Variants in WRN observed in about 807,000 individuals in gnomAD.
The protein encoded by WRN is bifunctional 3'-5' exonuclease/ATP-dependent helicase WRN.
A neutral mutation model predicts 180.7 loss-of-function variants in WRN; 149 were observed. The observed-to-expected ratio is 0.82, with a 90% CI of 0.72 to 0.94. The LOEUF (loss-of-function observed/expected upper bound fraction) is 0.94. WRN is among the 40% of genes least tolerant of loss of function. The pLI, the probability that WRN is intolerant of heterozygous loss-of-function variation, is 0.00. For missense variants in WRN, 1,661 were observed against 1,700.1 expected (o/e 0.98, Z 0.40); for synonymous variants, 548 against 568.9 (o/e 0.96, Z 0.52).
At chr8:31,139,322 G>A (rs1467919935) in intron 24 of WRN, among the ~76,000 whole-genome samples, 2 of 152,080 alleles carry the variant, frequency 1.3e-5, no homozygotes, top group Non-Finnish European at 2.9e-5. Context: ...AAAATATTGA[G>A]TTATAATCTA....
intron 23 of WRN, among the ~76,000 whole-genome samples, chr8:31,129,062 C>T (rs1802045798): frequency 1.3e-5 from 2 of 152,172 alleles, no homozygotes; most frequent in South Asian, 4.1e-4. Flanking sequence ...ACTGTAACCT[C>T]AAATTCCTGG....
intron 23 of WRN, among the ~76,000 whole-genome samples, chr8:31,129,982 C>T (rs1033606306): frequency 8.7e-5 from 11 of 126,010 alleles, no homozygotes; most frequent in African/African-American, 2.3e-4. Flanking sequence ...TCCAGCCTGG[C>T]GACAGAGCGA....
At chr8:31,089,193 G>A (rs533846184) in intron 13 of WRN, among the ~76,000 whole-genome samples, 2 of 151,986 alleles carry the variant, frequency 1.3e-5, no homozygotes, top group Non-Finnish European at 2.9e-5. Context: ...TCCTTTAACT[G>A]AGCAGTTCTG....
intron 32 of WRN, among the ~76,000 whole-genome samples, chr8:31,155,219 G>T (rs2130472460): frequency 6.6e-6 from 1 of 152,336 alleles, no homozygotes. Flanking sequence ...CTGGATCTCT[G>T]CAAGCATAGC....
At chr8:31,102,908 A>G (rs947530044) in intron 18 of WRN, among the ~76,000 whole-genome samples, 2 of 152,212 alleles carry the variant, frequency 1.3e-5, no homozygotes, top group South Asian at 4.1e-4. Flanking sequence ...GGACTCTTGT[A>G]ATAATTCTTA....
Position 31,058,517 on chromosome 8 carries a change from A to C in WRN, c.70A>C (p.Lys24Gln). The C allele has an allele frequency of 6.2e-7, 1 of 1,613,826 alleles. No homozygotes were observed. Among genetic ancestry groups the C allele is most frequent in the Non-Finnish European group, 8.5e-7 (1 of 1,179,830 alleles). ...KCPEWMNVQN[K>Q]RCAVEERKAC... Reference sequence around the variant, plus strand: ...TCCTGAATGGATGAATGTGCAGAATAAAAGATGTGCTGTAGAAGAAAGAAA... The same window carrying C: ...TCCTGAATGGATGAATGTGCAGAATCAAAGATGTGCTGTAGAAGAAAGAAA... The change falls in exon 2 of 35, where the codon AAA becomes CAA. Residue 24 changes from lysine to glutamine, a missense_variant. Physicochemically the swap from Lys to Gln is moderately conservative, Grantham distance 53 (BLOSUM62 1). Around this residue, in one of 3 missense-constraint regions of WRN, gnomAD observed 500 missense variants for 504.1 expected, o/e 0.99. Transcript: ENST00000298139.
At chr8:31,155,691 TG>T (rs1302082134) in intron 32 of WRN, among the ~76,000 whole-genome samples, 1 of 151,918 alleles carries the variant, frequency 6.6e-6, no homozygotes, top group Non-Finnish European at 1.5e-5. Context: ...TTAAGGCTGT[TG>T]AGGTTTTTTG....
Position 31,174,977 on chromosome 8 carries a change from G to A in WRN, c.*1875G>A, listed in dbSNP as rs1212086434. Among the ~76,000 whole-genome samples, 2 of 151,266 alleles carry A rather than the reference G, an allele frequency of 1.3e-5. No homozygotes were observed. The highest frequency in any genetic ancestry group is 2.9e-5 in the Non-Finnish European group (2 of 67,890). On this transcript the variant is annotated 3_prime_UTR_variant, in exon 35 of 35. Coordinates refer to ENST00000298139, the MANE Select transcript of WRN (RefSeq NM_000553.6). ...GTCCCCCAAAATAGTGGGATTACAG[G>A]TGTGAGCCACCATGCACAGCCTTAC... is the stretch of plus-strand genomic sequence containing the variant.
intron 30 of WRN, among the ~76,000 whole-genome samples, chr8:31,149,190 G>C (rs1188953884): frequency 6.6e-6 from 1 of 151,978 alleles, no homozygotes; most frequent in Admixed American, 6.5e-5. Context: ...GAGGTTAGGA[G>C]ATCGAGGCCA....
intron 33 of WRN, among the ~76,000 whole-genome samples, chr8:31,160,282 C>T (rs980700259): frequency 6.6e-5 from 10 of 152,262 alleles, no homozygotes; most frequent in Non-Finnish European, 1.0e-4. Flanking sequence ...TACGAATTAA[C>T]GATGTAAGTT....
intron 33 of WRN, among the ~76,000 whole-genome samples, chr8:31,161,973 G>A (rs1190452636): frequency 1.3e-5 from 2 of 152,084 alleles, no homozygotes; most frequent in Non-Finnish European, 2.9e-5. Flanking sequence ...CTAGGACTGT[G>A]CACTGCTGTA....
chr8:31,077,792 G>T (rs546650360), intron 8 of WRN, among the ~76,000 whole-genome samples: 1 of 152,282 alleles, frequency 6.6e-6, no homozygotes, highest in African/African-American at 2.4e-5. Context: ...TTTTATTTGG[G>T]AAGCAAGAAT....
At chr8:31,130,794 A>G (rs1242494406) in intron 23 of WRN, among the ~76,000 whole-genome samples, 1 of 152,256 alleles carries the variant, frequency 6.6e-6, no homozygotes, top group East Asian at 1.9e-4. Flanking sequence ...TTTTACAATG[A>G]TAAATGAAAA....
At chr8:31,119,103 A>G (rs995565422) in intron 20 of WRN, among the ~76,000 whole-genome samples, 11 of 151,868 alleles carry the variant, frequency 7.2e-5, no homozygotes, top group Admixed American at 3.3e-4. Flanking sequence ...ATTCATTCCT[A>G]TATTTACTTT....
At chr8:31,161,675 C>T (rs2130496569) in intron 33 of WRN, among the ~76,000 whole-genome samples, 1 of 151,974 alleles carries the variant, frequency 6.6e-6, no homozygotes, top group Middle Eastern at 3.4e-3. Context: ...TCCGTTTCTA[C>T]TAAAAGTACA....
At chr8:31,070,651 T>A (rs528422722) in intron 7 of WRN, among the ~76,000 whole-genome samples, 1 of 151,368 alleles carries the variant, frequency 6.6e-6, no homozygotes, top group South Asian at 2.1e-4. Context: ...AACAAGGTGC[T>A]GTAGTTGACA....
rs2230009 is a variant in WRN at position 31,064,419 on chromosome 8, G to A, written c.340G>A (p.Val114Ile). 0.063 allele frequency: 101,876 copies of A among 1,613,308 alleles called. 3,572 individuals carry two copies. The highest frequency in any genetic ancestry group is 0.13 in the African/African-American group (9,458 of 74,952). Reference protein sequence around the residue: ...VSESKCYLFHVSSMSVFPQGL... With the variant: ...VSESKCYLFHISSMSVFPQGL... The stretch of plus-strand genomic sequence containing the variant: ...TGAGAGCAAATGTTACTTGTTCCAC[G>A]TTTCTTCCATGTCAGGTTGGTATCT... Residue 114 changes from valine (V) to isoleucine (I), a missense_variant, in exon 4 of 35, where the codon GTT (valine) becomes ATT (isoleucine). Around this residue, in one of 3 missense-constraint regions of WRN, gnomAD observed 500 missense variants for 504.1 expected, o/e 0.99. Coordinates refer to ENST00000298139, the MANE Select transcript of WRN (RefSeq NM_000553.6).
chr8:31,129,126 A>G (rs963736608), intron 23 of WRN, among the ~76,000 whole-genome samples: 2 of 152,136 alleles, frequency 1.3e-5, no homozygotes, highest in Non-Finnish European at 2.9e-5. Context: ...ACAGGCATGC[A>G]CTACCAGACC....
chr8:31,138,740 A>G (rs1802493371), intron 24 of WRN, among the ~76,000 whole-genome samples: 2 of 152,206 alleles, frequency 1.3e-5, no homozygotes, highest in African/African-American at 2.4e-5. Context: ...TTCCTTAGCT[A>G]TTAAAAAATT....
Sources: gnomAD v4.1 joint callset for allele counts (sites outside exome capture counted in the v4.1 genomes callset) on GRCh38, gnomAD v4.1.1 for gene constraint, gnomAD v4.1.1 regional missense constraint, MANE v1.5 for transcripts, NCBI Gene and HGNC (gene_info 2026-07-23, HGNC 2026-07-21) for gene names.